The following POU6F2 variants were observed in gnomAD, a reference collection of about 807,000 sequenced individuals.
POU6F2 encodes POU class 6 homeobox 2, also known as POU domain, class 6, transcription factor 2.
POU6F2 carries 31 observed loss-of-function variants against 71.3 expected under a neutral mutation model. The ratio of observed to expected loss-of-function variants is 0.43; its 90% CI spans 0.33 to 0.59. The LOEUF is 0.59. Ranked by LOEUF, POU6F2 falls within the 20% of genes least tolerant of loss-of-function variation. POU6F2 has a pLI of 0.04. For synonymous variants in POU6F2, 347 were observed against 355.7 expected, an observed-to-expected ratio of 0.98 and a Z score of 0.27; for missense variants, 783 against 856.8, an observed-to-expected ratio of 0.91 and a Z score of 1.07.
chr7:39,189,399 A>T (rs371694476), intron 2 of POU6F2, among the ~76,000 whole-genome samples: 28 of 96,822 alleles, frequency 2.9e-4, no homozygotes, highest in African/African-American at 1.2e-3. Flanking sequence ...TGTTTGTTTG[A>T]GACGGAGTCT....
intron 4 of POU6F2, among the ~76,000 whole-genome samples, chr7:39,311,690 G>T (rs962713125): frequency 1.3e-5 from 2 of 152,064 alleles, no homozygotes. Flanking sequence ...TAGAGAGAGA[G>T]CAGTGGCTAT....
chr7:39,316,269 G>A (rs1353269091), intron 4 of POU6F2, among the ~76,000 whole-genome samples: 1 of 152,104 alleles, frequency 6.6e-6, no homozygotes, highest in Non-Finnish European at 1.5e-5. Flanking sequence ...AATTTATTTT[G>A]CTTCCAGGGA....
At chr7:39,390,893 G>T (rs1787062119) in intron 5 of POU6F2, among the ~76,000 whole-genome samples, 1 of 151,698 alleles carries the variant, frequency 6.6e-6, no homozygotes, top group South Asian at 2.1e-4. Flanking sequence ...AACCATCAGT[G>T]TCCTGACATG....
At chr7:39,270,145 T>C (rs552407467) in intron 4 of POU6F2, among the ~76,000 whole-genome samples, 1 of 152,284 alleles carries the variant, frequency 6.6e-6, no homozygotes, top group South Asian at 2.1e-4. Context: ...AGACTTAGCT[T>C]CAAATTCCAG....
At chr7:39,158,335 C>T (rs1397315732) in intron 2 of POU6F2, among the ~76,000 whole-genome samples, 1 of 152,128 alleles carries the variant, frequency 6.6e-6, no homozygotes, top group Non-Finnish European at 1.5e-5. Flanking sequence ...ACAGATTTTG[C>T]AAAATTTCTA....
chr7:39,160,810 G>T (rs2128736520), intron 2 of POU6F2, among the ~76,000 whole-genome samples: 1 of 152,252 alleles, frequency 6.6e-6, no homozygotes, highest in East Asian at 1.9e-4. Context: ...GACTCTTAAA[G>T]GAGTGCCCAC....
At chr7:39,365,008 C>T (rs1786469128) in intron 5 of POU6F2, among the ~76,000 whole-genome samples, 1 of 152,028 alleles carries the variant, frequency 6.6e-6, no homozygotes, top group Non-Finnish European at 1.5e-5. Context: ...TTTGCATTTC[C>T]TTGATCATTA....
intron 4 of POU6F2, among the ~76,000 whole-genome samples, chr7:39,266,715 G>A (rs1278390552): frequency 8.8e-5 from 3 of 34,028 alleles, no homozygotes; most frequent in Admixed American, 2.8e-4. Context: ...TTTTTTTTTT[G>A]AATTGACACA....
intron 6 of POU6F2, among the ~76,000 whole-genome samples, chr7:39,432,169 G>A (rs1370571132): frequency 1.3e-5 from 2 of 151,986 alleles, no homozygotes; most frequent in Admixed American, 6.6e-5. Context: ...TTTCTCCTTG[G>A]CACAGTAATT....
At chr7:39,453,540 CA>C (rs1788710922) in intron 8 of POU6F2, among the ~76,000 whole-genome samples, 1 of 152,132 alleles carries the variant, frequency 6.6e-6, no homozygotes, top group African/African-American at 2.4e-5. Context: ...GTGTTTCACA[CA>C]AGGTAAATAG....
chr7:39,018,989 G>T (rs1235228517), intron 1 of POU6F2, among the ~76,000 whole-genome samples: 1 of 152,086 alleles, frequency 6.6e-6, no homozygotes, highest in East Asian at 1.9e-4. Context: ...CAGGACGATT[G>T]CATGACCAAC....
At chr7:39,085,717 A>C in intron 1 of POU6F2, 143 bp from the exon 2 acceptor site, 1 of 832,112 alleles carries the variant, frequency 1.2e-6, no homozygotes, top group Non-Finnish European at 1.9e-6. Flanking sequence ...CAGCGGGAGC[A>C]GCCAGAGATA....
intron 2 of POU6F2, among the ~76,000 whole-genome samples, chr7:39,102,943 A>T (rs1481674385): frequency 1.3e-5 from 2 of 152,244 alleles, no homozygotes; most frequent in Non-Finnish European, 2.9e-5. Flanking sequence ...ACAAAATAAG[A>T]TATAATCTTA....
At chr7:39,007,184 G>A (rs1362081470) in intron 1 of POU6F2, among the ~76,000 whole-genome samples, 1 of 152,110 alleles carries the variant, frequency 6.6e-6, no homozygotes, top group Non-Finnish European at 1.5e-5. Flanking sequence ...AATACAAGCT[G>A]CACATAAATA....
At chr7:39,430,226 G>A (rs531073188) in intron 6 of POU6F2, among the ~76,000 whole-genome samples, 2 of 152,318 alleles carry the variant, frequency 1.3e-5, no homozygotes, top group Middle Eastern at 3.4e-3. Context: ...TTTTTGACAC[G>A]TTGAGATGGT....
intron 2 of POU6F2, among the ~76,000 whole-genome samples, chr7:39,134,585 CT>C (rs1413247854): frequency 6.6e-6 from 1 of 152,202 alleles, no homozygotes; most frequent in African/African-American, 2.4e-5. Flanking sequence ...CTTTTGATGA[CT>C]ACTTGTATCT....
chr7:39,433,377 A>G lies in POU6F2; in HGVS notation c.1320+94A>G. On this transcript the variant is annotated intron_variant, in intron 7 of 9. Transcript: ENST00000518318. ...TCAATCAATGAAAAGTAACTTTTAC[A>G]TTACAAAATAGTTGATCTCACTCAT... is the stretch of plus-strand genomic sequence containing the variant. 4 of 1,370,834 alleles carry G rather than the reference A, an allele frequency of 2.9e-6. No homozygotes were observed. The South Asian group carries it at 4.0e-5, about 14-fold the overall frequency. The allele number at this position is 1,370,834 out of a possible 1,614,324, so 84.9% of individuals were successfully genotyped here. A position where few individuals can be genotyped will look rare whatever the true frequency, so the allele number is the denominator to read the frequency against.
At chr7:39,350,214 T>C (rs1035198539) in intron 5 of POU6F2, among the ~76,000 whole-genome samples, 1 of 152,146 alleles carries the variant, frequency 6.6e-6, no homozygotes, top group African/African-American at 2.4e-5. Context: ...TTTTTTTTTT[T>C]CTCAGCTGGA....
intron 8 of POU6F2, among the ~76,000 whole-genome samples, chr7:39,457,522 A>C (rs1439726347): frequency 6.6e-6 from 1 of 152,140 alleles, no homozygotes; most frequent in Non-Finnish European, 1.5e-5. Context: ...TGAGAGAGCA[A>C]GTTTTCTGTG....
Sources: allele counts gnomAD v4.1 joint callset (sites outside exome capture counted in the v4.1 genomes callset), GRCh38; gene constraint gnomAD v4.1.1; transcripts MANE v1.5; gene names NCBI Gene and HGNC (gene_info 2026-07-23, HGNC 2026-07-21).